The following ARFGEF1 variants were observed in gnomAD, a reference collection of about 807,000 sequenced individuals.
ARFGEF1 encodes the protein brefeldin A-inhibited guanine nucleotide-exchange protein 1.
ARFGEF1 carries 42 observed loss-of-function variants against 231.0 expected under a neutral mutation model. The observed-to-expected ratio is 0.18, with a 90% CI of 0.14 to 0.24. ARFGEF1 has a LOEUF of 0.24. ARFGEF1 is among the 10% of genes least tolerant of loss of function. The pLI is 1.00. For synonymous variants in ARFGEF1, 710 were observed against 732.3 expected (o/e 0.97, Z 0.49); for missense variants, 1,345 against 2,192.0 (o/e 0.61, Z 7.72).
chr8:67,307,820 C>T (rs1389066648), intron 1 of ARFGEF1, among the ~76,000 whole-genome samples: 1 of 152,150 alleles, frequency 6.6e-6, no homozygotes, highest in African/African-American at 2.4e-5. Context: ...TTCTAACTCC[C>T]CTCCCCTTAA....
chr8:67,206,341 C>T lies in ARFGEF1; in HGVS notation c.4820-1522G>A, dbSNP rs1259567549. On this transcript the variant is annotated intron_variant, in intron 34 of 38. Coordinates refer to ENST00000262215, the MANE Select transcript of ARFGEF1 (RefSeq NM_006421.5). ...AGAAGAATGGCTTGATCCCGGGAGG[C>T]GGAGGTTGCAGTGAGCTGAGATGAC... Among the ~76,000 whole-genome samples, 3 of 141,628 alleles carry T rather than the reference C, an allele frequency of 2.1e-5. No individual in the cohort carries two copies. The East Asian group carries it at 6.6e-4, about 31-fold the overall frequency. The allele number at this position is 141,628 out of a possible 152,430, so 92.9% of individuals were successfully genotyped here. A position where few individuals can be genotyped will look rare whatever the true frequency, so the allele number is the denominator to read the frequency against.
intron 5 of ARFGEF1, among the ~76,000 whole-genome samples, chr8:67,178,634 G>A (rs1832257980): frequency 6.6e-6 from 1 of 152,180 alleles, no homozygotes; most frequent in Non-Finnish European, 1.5e-5. Flanking sequence ...TCACTGGGTA[G>A]GCAACATTTG....
chr8:67,284,731 T>C (rs976588439), intron 7 of ARFGEF1, among the ~76,000 whole-genome samples: 5 of 152,136 alleles, frequency 3.3e-5, no homozygotes, highest in Non-Finnish European at 7.3e-5. Flanking sequence ...AGACTAATTG[T>C]ATGTTTCCCT....
intron 1 of ARFGEF1, among the ~76,000 whole-genome samples, chr8:67,331,889 A>G (rs1236963923): frequency 6.6e-6 from 1 of 152,234 alleles, no homozygotes; most frequent in Admixed American, 6.5e-5. Context: ...TGCCTTAAGG[A>G]ACAGTCATGA....
At chr8:67,277,557 A>G (rs902406916) in intron 7 of ARFGEF1, 100 bp from the exon 8 acceptor site, 6 of 1,094,742 alleles carry the variant, frequency 5.5e-6, no homozygotes, top group Non-Finnish European at 6.5e-6. Context: ...GCAGGAAAGC[A>G]ATGTGAAGTA....
intron 1 of ARFGEF1, among the ~76,000 whole-genome samples, chr8:67,307,761 C>T (rs1435709855): frequency 6.6e-6 from 1 of 152,110 alleles, no homozygotes; most frequent in East Asian, 1.9e-4. Flanking sequence ...ACTATGGTAT[C>T]TGCCATACCA....
chr8:67,343,079 C>G, intron 1 of ARFGEF1, 85 bp downstream of exon 1: 1 of 1,366,888 alleles, frequency 7.3e-7, no homozygotes. Context: ...CTCGGGCAAG[C>G]CCCGGGCGAC....
intron 3 of ARFGEF1, among the ~76,000 whole-genome samples, 184 bp from the exon 4 acceptor site, chr8:67,299,539 CAA>C (rs1172730175): frequency 6.6e-6 from 1 of 152,176 alleles, no homozygotes; most frequent in East Asian, 1.9e-4. Context: ...TTCAAATATG[CAA>C]AGTTATTTAT....
chr8:67,244,242 C>CAAAAAAA (rs34333039), intron 19 of ARFGEF1, among the ~76,000 whole-genome samples: 5 of 20,096 alleles, frequency 2.5e-4, no homozygotes, highest in Non-Finnish European at 2.9e-4. Context: ...GACTCCACCT[C>CAAAAAAA]AAAAAAAAAA....
At chr8:67,265,867 G>T in intron 14 of ARFGEF1, 139 bp downstream of exon 14, 1 of 753,964 alleles carries the variant, frequency 1.3e-6, no homozygotes, top group Non-Finnish European at 2.1e-6. Flanking sequence ...AAGGGGGGCT[G>T]AATAGGAGCC....
rs1486077092 is a variant in ARFGEF1, at chr8:67,222,164, CATATATATATATATACACATATATATAT to C, written c.4209-2632_4209-2605del. Among the ~76,000 whole-genome samples the C allele has an allele frequency of 1.1e-4, 13 of 119,152 alleles. 1 individual carries two copies. The highest frequency in any genetic ancestry group is 5.3e-4 in the South Asian group (2 of 3,748). 78.2% of individuals were successfully genotyped at this position (119,152 alleles called of 152,430 possible). On this transcript the variant is annotated intron_variant, in intron 29 of 38. Transcript: ENST00000262215. ...ATGTTTTTACTGTACCTTTTCCATG[CATATATATATATATACACATATATATAT>C]ATATATATATATACACACACATATA...
rs1587193672 is a variant in ARFGEF1 at position 67,276,181 on chromosome 8, T to C, written c.1204-72A>G. 3.3e-6 allele frequency: 5 copies of C among 1,520,184 alleles called. No individual in the cohort carries two copies. In the African/African-American group the frequency reaches 5.5e-5, roughly 17 times the overall value. The allele number at this position is 1,520,184 out of a possible 1,614,324, so 94.2% of individuals were successfully genotyped here. The stretch of plus-strand genomic sequence containing the variant: ...GTAAAATCGCTTCAGCCTTCTACTG[T>C]ATTTCATTCAATTCACTAACAGGTG... On this transcript the variant is annotated intron_variant, in intron 8 of 38. Coordinates refer to ENST00000262215, the MANE Select transcript of ARFGEF1 (RefSeq NM_006421.5).
Position 67,198,870 on chromosome 8 carries a change from T to A in ARFGEF1, c.*64A>T, listed in dbSNP as rs952628819. The A allele has an allele frequency of 6.3e-7, 1 of 1,577,020 alleles. No individual in the cohort carries two copies. Among genetic ancestry groups the A allele is most frequent in the Non-Finnish European group, 8.6e-7 (1 of 1,167,846 alleles). ...GAAATCATTTTTCAGGTAGGAAACCTCAGCTCCAGCGTCCTTTTAAAGAGC... is the reference window on the plus strand; with the variant it reads ...GAAATCATTTTTCAGGTAGGAAACCACAGCTCCAGCGTCCTTTTAAAGAGC... On this transcript the variant is annotated 3_prime_UTR_variant, in exon 39 of 39. Transcript: ENST00000262215.
rs1805360512 is a variant in ARFGEF1 at position 67,277,475 on chromosome 8, A to C, written c.1028-18T>G. The C allele has an allele frequency of 6.2e-7, 1 of 1,602,114 alleles. No homozygotes were observed. Among genetic ancestry groups the C allele is most frequent in the African/African-American group, 1.3e-5 (1 of 74,474 alleles). On this transcript the variant is annotated intron_variant, in intron 7 of 38. Coordinates refer to ENST00000262215, the MANE Select transcript of ARFGEF1 (RefSeq NM_006421.5). Reference sequence around the variant, plus strand: ...TCCCATATCTAAAATGATAAGAATAAAAACCATGCAAATATATCTGACTTA... The same window carrying C: ...TCCCATATCTAAAATGATAAGAATACAAACCATGCAAATATATCTGACTTA...
At chr8:67,274,601 C>T (rs945306362) in intron 9 of ARFGEF1, among the ~76,000 whole-genome samples, 2 of 151,958 alleles carry the variant, frequency 1.3e-5, no homozygotes, top group African/African-American at 4.8e-5. Flanking sequence ...GAACATACTC[C>T]TCAAAATTCA....
downstream of ARFGEF1, chr8:67,195,554 C>G (rs1339174815): frequency 6.2e-7 from 1 of 1,614,170 alleles, no homozygotes; most frequent in Admixed American, 1.7e-5. Context: ...GAAAACCAGG[C>G]ACTTTCACTT....
chr8:67,222,288 CAG>C (rs1212266959), intron 29 of ARFGEF1, among the ~76,000 whole-genome samples: 2 of 123,940 alleles, frequency 1.6e-5, no homozygotes, highest in African/African-American at 3.1e-5. Flanking sequence ...TTTTTTGAGA[CAG>C]AGTCTTATAC....
chr8:67,284,119 C>G (rs1179349122), intron 7 of ARFGEF1, among the ~76,000 whole-genome samples: 1 of 152,060 alleles, frequency 6.6e-6, no homozygotes, highest in Non-Finnish European at 1.5e-5. Flanking sequence ...TATGATATAT[C>G]TGCATAAGGT....
In ARFGEF1 at chr8:67,227,954, T is replaced by C; in HGVS notation, c.3591+9A>G. The C allele has an allele frequency of 6.4e-7, 1 of 1,551,318 alleles. No homozygotes were observed. The highest frequency in any genetic ancestry group is 8.6e-7 in the Non-Finnish European group (1 of 1,158,282). On this transcript the variant is annotated intron_variant, in intron 25 of 38. Transcript: ENST00000262215. ...CAAATGTAAACAAACACCATAGTTATTCAAATACCTTATTAAAATGATCTC... is the reference window on the plus strand; with the variant it reads ...CAAATGTAAACAAACACCATAGTTACTCAAATACCTTATTAAAATGATCTC...
Sources: allele counts gnomAD v4.1 joint callset (sites outside exome capture counted in the v4.1 genomes callset), GRCh38; gene constraint gnomAD v4.1.1; transcripts MANE v1.5; gene names NCBI Gene and HGNC (gene_info 2026-07-23, HGNC 2026-07-21).